The following OR52E4 variants were observed in gnomAD, a reference collection of about 807,000 sequenced individuals.
The protein encoded by OR52E4 is olfactory receptor 52E4.
For synonymous variants in OR52E4, 169 were observed against 137.4 expected (o/e 1.23, Z -1.61); for missense variants, 444 against 383.8 (o/e 1.16, Z -1.31).
rs1043492883 is a variant in OR52E4, at chr11:5,885,748, T to G, written c.*517T>G. The stretch of plus-strand genomic sequence containing the variant: ...TCTCAGTCTTGCTGTTACTGCCATT[T>G]TTGCTCCTTTCCTTCTTTCAGATTC... On this transcript the variant is annotated 3_prime_UTR_variant, in exon 2 of 2. Transcript: ENST00000641726. 3 of 152,560 alleles carry G rather than the reference T, an allele frequency of 2.0e-5. No homozygotes were observed. Among genetic ancestry groups the G allele is most frequent in the African/African-American group, 7.2e-5 (3 of 41,446 alleles). The allele number at this position is 152,560 out of a possible 1,614,324, so 9.5% of individuals were successfully genotyped here.
intron 1 of OR52E4, among the ~76,000 whole-genome samples, chr11:5,883,340 A>T (rs184340553): frequency 1.6e-3 from 239 of 152,196 alleles, no homozygotes; most frequent in Non-Finnish European, 2.7e-3. Flanking sequence ...TAGAACCAGG[A>T]AAGTTCTAAC....
In OR52E4 at chr11:5,884,441, T is replaced by C. The variant is rs1248073380; in HGVS notation, c.149T>C (p.Val50Ala). 1.7e-5 allele frequency: 28 copies of C among 1,613,544 alleles called. No homozygotes were observed. Among genetic ancestry groups the C allele is most frequent in the Non-Finnish European group, 2.3e-5 (27 of 1,179,630 alleles). Residue 50 changes from valine (V) to alanine (A), a missense_variant, in exon 2 of 2, where the codon GTG becomes GCG. Coordinates refer to ENST00000641726, the MANE Select transcript of OR52E4 (RefSeq NM_001005165.2). Reference sequence around the variant, plus strand: ...GTGGGGAATATGACCATTCTCTTTGTGATCAAAACTGAACATAGTCTACAC... The same window carrying C: ...GTGGGGAATATGACCATTCTCTTTGCGATCAAAACTGAACATAGTCTACAC... ...AIVGNMTILFVIKTEHSLHQP... is the reference protein window; with the variant it reads ...AIVGNMTILFAIKTEHSLHQP...
At position 5,884,497 on chromosome 11, in the gene OR52E4, T is replaced by C. The variant is rs745449033; in HGVS notation, c.205T>C (p.Ser69Pro). 3 of 1,613,552 alleles carry C rather than the reference T, an allele frequency of 1.9e-6. No homozygotes were observed. The highest frequency in any genetic ancestry group is 2.5e-6 in the Non-Finnish European group (3 of 1,179,682). Residue 69 changes from serine to proline, a missense_variant, in exon 2 of 2, where the codon TCT becomes CCT. Physicochemically the swap from Ser to Pro is moderately conservative, Grantham distance 74 (BLOSUM62 -1). Transcript: ENST00000641726. ...CATGTTCTACTTCCTGGCCATGTTGTCTATGATTGATCTGGGTCTGTCCAC... is the reference window on the plus strand; with the variant it reads ...CATGTTCTACTTCCTGGCCATGTTGCCTATGATTGATCTGGGTCTGTCCAC... ...QPMFYFLAML[S>P]MIDLGLSTST...
intron 1 of OR52E4, among the ~76,000 whole-genome samples, chr11:5,883,706 A>C (rs1846995289): frequency 6.6e-6 from 1 of 152,022 alleles, no homozygotes; most frequent in Non-Finnish European, 1.5e-5. Context: ...AGTTAAGATA[A>C]TAGAGCTGAA....
chr11:5,884,791 C>T lies in OR52E4; in HGVS notation c.499C>T (p.Arg167Cys), dbSNP rs757270158. Residue 167 changes from arginine (R) to cysteine (C), a missense_variant, in exon 2 of 2, where the codon CGT becomes TGT. By Grantham distance (180) the Arg-to-Cys change is radical (BLOSUM62 -3). Coordinates refer to ENST00000641726, the MANE Select transcript of OR52E4 (RefSeq NM_001005165.2). ...AACCCCATTTGTGTTTCTCATTCTG[C>T]GTCTGCCATTCTGTGGGCATAACAT... is the stretch of plus-strand genomic sequence containing the variant. ...LVTPFVFLIL[R>C]LPFCGHNIVP... The T allele has an allele frequency of 1.1e-5, 18 of 1,613,370 alleles. No individual in the cohort carries two copies. The South Asian group carries it at 1.2e-4, about 11-fold the overall frequency.
In OR52E4 at chr11:5,884,316, C is replaced by T. The variant is rs1185906799; in HGVS notation, c.24C>T (p.His8=). The change falls in exon 2 of 2, where the codon CAC becomes CAT. Residue 8 remains histidine, a synonymous_variant. Coordinates refer to ENST00000641726, the MANE Select transcript of OR52E4 (RefSeq NM_001005165.2). MPSINDT[H]FYPPFFLLLG... ...GAATGCCTTCTATCAATGACACCCA[C>T]TTCTATCCCCCCTTCTTCCTCCTGC... 1 of 1,610,910 alleles carries T rather than the reference C, an allele frequency of 6.2e-7. No individual in the cohort carries two copies. Among genetic ancestry groups the T allele is most frequent in the Admixed American group, 1.7e-5 (1 of 59,842 alleles).
At chr11:5,884,148 T>G in intron 1 of OR52E4, 71 bp from the exon 2 acceptor site, 1 of 635,356 alleles carries the variant, frequency 1.6e-6, no homozygotes, top group Non-Finnish European at 2.8e-6. Flanking sequence ...AAGTGAGTCT[T>G]GAATGTTTGT....
rs1847022217 is a variant in OR52E4 at position 5,885,078 on chromosome 11, AC to A, written c.787del (p.His263IlefsTer43). On this transcript the variant is annotated frameshift_variant, in exon 2 of 2. Transcript: ENST00000641726. LOFTEE classifies it low-confidence loss of function (END_TRUNC). Reference protein sequence around the residue: ...YTPAFFSFMTHRFGQNIPHYI... With the variant: ...YTPAFFSFMTXRFGQNIPHYI... Reference sequence around the variant, plus strand: ...CACCAGCATTTTTTTCTTTTATGACACATCGTTTTGGCCAAAACATTCCCCA... The same window carrying A: ...CACCAGCATTTTTTTCTTTTATGACAATCGTTTTGGCCAAAACATTCCCCA... The A allele has an allele frequency of 6.2e-7, 1 of 1,613,394 alleles. No homozygotes were observed. The highest frequency in any genetic ancestry group is 8.5e-7 in the Non-Finnish European group (1 of 1,179,718).
At chr11:5,883,263 A>G (rs1004438306) in intron 1 of OR52E4, among the ~76,000 whole-genome samples, 1 of 152,020 alleles carries the variant, frequency 6.6e-6, no homozygotes, top group African/African-American at 2.4e-5. Context: ...ATTGTTCATG[A>G]AGATTTAGAA....
At chr11:5,881,283 C>G (rs1223308806) in intron 1 of OR52E4, among the ~76,000 whole-genome samples, 2 of 152,050 alleles carry the variant, frequency 1.3e-5, no homozygotes, top group African/African-American at 4.8e-5. Flanking sequence ...GGAACCATCC[C>G]CAAGCCATTT....
rs1554960503 is a variant in OR52E4, at chr11:5,886,164, T to TAACA, written c.*935_*936insCAAA. The stretch of plus-strand genomic sequence containing the variant: ...CCTTGTGATCATGTGAGTTAATACT[T>TAACA]AATTCCCCCTTTGTGTGTGTGTGTA... On this transcript the variant is annotated 3_prime_UTR_variant, in exon 2 of 2. Coordinates refer to ENST00000641726, the MANE Select transcript of OR52E4 (RefSeq NM_001005165.2). 7.4e-4 allele frequency: 1 copy of TAACA among 1,352 alleles called. No homozygotes were observed. Among genetic ancestry groups the TAACA allele is most frequent in the African/African-American group, 0.013 (1 of 80 alleles). 0.1% of individuals were successfully genotyped at this position (1,352 alleles called of 1,614,324 possible). A position where few individuals can be genotyped will look rare whatever the true frequency, so the allele number is the denominator to read the frequency against.
At chr11:5,883,111 T>C (rs1846986271) in intron 1 of OR52E4, among the ~76,000 whole-genome samples, 1 of 152,050 alleles carries the variant, frequency 6.6e-6, no homozygotes, top group African/African-American at 2.4e-5. Flanking sequence ...TAGGCACAAT[T>C]TTGGGACATG....
chr11:5,881,224 T>C (rs1387615112), intron 1 of OR52E4, among the ~76,000 whole-genome samples: 1 of 152,170 alleles, frequency 6.6e-6, no homozygotes, highest in Non-Finnish European at 1.5e-5. Flanking sequence ...TCTGAGTGAA[T>C]TTAATGTTGC....
At position 5,885,318 on chromosome 11, in the gene OR52E4, G is replaced by T; in HGVS notation, c.*87G>T. Reference sequence around the variant, plus strand: ...CCCTTTTTAATCTTCTGTAACAGTTGGTCATGCTTGTCAGATTTTTTCCTT... The same window carrying T: ...CCCTTTTTAATCTTCTGTAACAGTTTGTCATGCTTGTCAGATTTTTTCCTT... On this transcript the variant is annotated 3_prime_UTR_variant, in exon 2 of 2. Transcript: ENST00000641726. 2 of 926,114 alleles carry T rather than the reference G, an allele frequency of 2.2e-6. No homozygotes were observed. The highest frequency in any genetic ancestry group is 2.7e-5 in the East Asian group (1 of 37,614). The allele number at this position is 926,114 out of a possible 1,614,324, so 57.4% of individuals were successfully genotyped here.
At chr11:5,881,458 C>A (rs1846962531) in intron 1 of OR52E4, among the ~76,000 whole-genome samples, 2 of 152,068 alleles carry the variant, frequency 1.3e-5, no homozygotes, top group Admixed American at 6.6e-5. Context: ...AAAATTGTTT[C>A]TTTTCTAAAT....
chr11:5,885,071 T>C lies in OR52E4; in HGVS notation c.779T>C (p.Phe260Ser). 1 of 1,613,576 alleles carries C rather than the reference T, an allele frequency of 6.2e-7. No individual in the cohort carries two copies. The highest frequency in any genetic ancestry group is 1.1e-5 in the South Asian group (1 of 91,078). The change falls in exon 2 of 2, where the codon TTT becomes TCT. Residue 260 changes from phenylalanine to serine, a missense_variant. Transcript: ENST00000641726. Reference sequence around the variant, plus strand: ...TTTTACACACCAGCATTTTTTTCTTTTATGACACATCGTTTTGGCCAAAAC... The same window carrying C: ...TTTTACACACCAGCATTTTTTTCTTCTATGACACATCGTTTTGGCCAAAAC... ...LCFYTPAFFS[F>S]MTHRFGQNIP...
chr11:5,884,743 G>T lies in OR52E4; in HGVS notation c.451G>T (p.Val151Phe), dbSNP rs765781520. The T allele has an allele frequency of 1.2e-6, 2 of 1,613,618 alleles. No homozygotes were observed. The highest frequency in any genetic ancestry group is 3.3e-5 in the Admixed American group (2 of 59,884). The stretch of plus-strand genomic sequence containing the variant: ...CATCAGTATCCTAGCTTCTGTGGTT[G>T]TTGGAAGAAATTTAGTTCTTGTAAC... ...KTISILASVV[V>F]GRNLVLVTPF... The change falls in exon 2 of 2, where the codon GTT (valine) becomes TTT (phenylalanine). Residue 151 changes from valine (V) to phenylalanine (F), a missense_variant. Physicochemically the swap from Val to Phe is conservative, Grantham distance 50. Transcript: ENST00000641726.
In OR52E4 at chr11:5,884,631, G is replaced by A. The variant is rs1269606863; in HGVS notation, c.339G>A (p.Glu113=). The change falls in exon 2 of 2, where the codon GAG becomes GAA. Residue 113 remains glutamate (E), a synonymous_variant. Transcript: ENST00000641726. Reference sequence around the variant, plus strand: ...TTATTCACATGTTTACAGGCATGGAGACTGTTCTGTTGGTGGTCATGGCTT... The same window carrying A: ...TTATTCACATGTTTACAGGCATGGAAACTGTTCTGTTGGTGGTCATGGCTT... ...MFFIHMFTGM[E]TVLLVVMAYD... The A allele has an allele frequency of 1.2e-6, 2 of 1,613,510 alleles. No individual in the cohort carries two copies. Among genetic ancestry groups the A allele is most frequent in the Non-Finnish European group, 1.7e-6 (2 of 1,179,706 alleles).
At position 5,884,764 on chromosome 11, in the gene OR52E4, G is replaced by A. The variant is rs151237451; in HGVS notation, c.472G>A (p.Val158Ile). The stretch of plus-strand genomic sequence containing the variant: ...GGTTGTTGGAAGAAATTTAGTTCTT[G>A]TAACCCCATTTGTGTTTCTCATTCT... ...SVVVGRNLVLVTPFVFLILRL... is the reference protein window; with the variant it reads ...SVVVGRNLVLITPFVFLILRL... The change falls in exon 2 of 2, where the codon GTA (valine) becomes ATA (isoleucine). Residue 158 changes from valine (V) to isoleucine (I), a missense_variant. Coordinates refer to ENST00000641726, the MANE Select transcript of OR52E4 (RefSeq NM_001005165.2). 33 of 1,613,488 alleles carry A rather than the reference G, an allele frequency of 2.0e-5. No homozygotes were observed. In the African/African-American group the frequency reaches 3.6e-4, roughly 18 times the overall value.
Sources: gnomAD v4.1 joint callset for allele counts (sites outside exome capture counted in the v4.1 genomes callset) on GRCh38, gnomAD v4.1.1 for gene constraint, MANE v1.5 for transcripts, NCBI Gene and HGNC (gene_info 2026-07-23, HGNC 2026-07-21) for gene names.